The following ARID5B variants were observed in gnomAD, a reference collection of about 807,000 sequenced individuals.
ARID5B encodes the protein AT-rich interactive domain-containing protein 5B.
ARID5B carries 13 observed loss-of-function variants against 97.2 expected under a neutral mutation model. The observed-to-expected ratio is 0.13, with a 90% CI of 0.09 to 0.21. The LOEUF is 0.21. Ranked by LOEUF, ARID5B falls within the 10% of genes least tolerant of loss-of-function variation. ARID5B has a pLI of 1.00. For synonymous variants in ARID5B, 556 were observed against 570.3 expected (o/e 0.97, Z 0.36); for missense variants, 1,210 against 1,465.3 (o/e 0.83, Z 2.84).
At chr10:61,992,194 CT>C (rs1370944099) in intron 3 of ARID5B, among the ~76,000 whole-genome samples, 1 of 152,172 alleles carries the variant, frequency 6.6e-6, no homozygotes, top group Non-Finnish European at 1.5e-5. Flanking sequence ...TGCATAATCC[CT>C]GTCTAGTGTG....
At chr10:62,050,190 C>G (rs974270807) in intron 4 of ARID5B, among the ~76,000 whole-genome samples, 1 of 152,082 alleles carries the variant, frequency 6.6e-6, no homozygotes, top group African/African-American at 2.4e-5. Flanking sequence ...CCAGTGTAAT[C>G]TTTGGATGTT....
chr10:62,024,674 A>G, intron 4 of ARID5B: 1 of 396,370 alleles, frequency 2.5e-6, no homozygotes, highest in Non-Finnish European at 4.5e-6. Flanking sequence ...TTCTTTCGGG[A>G]GGCAGATTAA....
At chr10:61,934,017 A>G (rs1390116490) in intron 2 of ARID5B, among the ~76,000 whole-genome samples, 2 of 152,192 alleles carry the variant, frequency 1.3e-5, no homozygotes, top group Non-Finnish European at 2.9e-5. Flanking sequence ...GCTACCTTCA[A>G]TTATCTTAGC....
At chr10:61,924,517 A>G (rs1219195077) in intron 2 of ARID5B, among the ~76,000 whole-genome samples, 2 of 152,224 alleles carry the variant, frequency 1.3e-5, no homozygotes, top group Non-Finnish European at 2.9e-5. Flanking sequence ...AAATAAAGCT[A>G]TGGGTCTCAA....
chr10:61,906,212 T>C (rs1466223662), intron 2 of ARID5B, among the ~76,000 whole-genome samples: 1 of 152,166 alleles, frequency 6.6e-6, no homozygotes, highest in African/African-American at 2.4e-5. Context: ...TTCTTAATTT[T>C]ATAAACAATA....
intron 7 of ARID5B, among the ~76,000 whole-genome samples, chr10:62,065,011 T>A (rs1839967582): frequency 6.6e-6 from 1 of 152,152 alleles, no homozygotes; most frequent in African/African-American, 2.4e-5. Flanking sequence ...TGACCTCAGA[T>A]GATCCACCCG....
At chr10:61,962,103 T>C (rs770731208) in intron 3 of ARID5B, among the ~76,000 whole-genome samples, 9 of 152,202 alleles carry the variant, frequency 5.9e-5, no homozygotes, top group Non-Finnish European at 1.0e-4. Flanking sequence ...CGGTAATTGT[T>C]ATTACTACCA....
intron 4 of ARID5B, among the ~76,000 whole-genome samples, chr10:62,029,726 G>T (rs1252778804): frequency 2.0e-5 from 3 of 152,168 alleles, no homozygotes; most frequent in Non-Finnish European, 4.4e-5. Flanking sequence ...AAAAGAGGGA[G>T]ATCACCTCGT....
intron 2 of ARID5B, among the ~76,000 whole-genome samples, chr10:61,939,748 A>AG (rs1042839571): frequency 2.6e-5 from 4 of 152,188 alleles, no homozygotes; most frequent in Non-Finnish European, 4.4e-5. Flanking sequence ...GGGGTGAGTC[A>AG]GAGTTCCAAG....
chr10:61,942,139 T>C (rs1264543704), intron 3 of ARID5B, among the ~76,000 whole-genome samples: 2 of 152,220 alleles, frequency 1.3e-5, no homozygotes, highest in Non-Finnish European at 2.9e-5. Context: ...AGAGTATTTA[T>C]AGCAAGGTTT....
At chr10:62,059,820 C>G (rs1276195732) in intron 7 of ARID5B, among the ~76,000 whole-genome samples, 1 of 152,156 alleles carries the variant, frequency 6.6e-6, no homozygotes, top group African/African-American at 2.4e-5. Flanking sequence ...GGCTCTGACA[C>G]TCTTTATCAG....
intron 3 of ARID5B, among the ~76,000 whole-genome samples, chr10:61,969,016 C>A (rs1401562583): frequency 2.6e-5 from 4 of 152,168 alleles, no homozygotes; most frequent in Admixed American, 2.6e-4. Flanking sequence ...CATGAAAAGA[C>A]TGTATTTTGA....
At chr10:62,026,271 T>C (rs1234077494) in intron 4 of ARID5B, among the ~76,000 whole-genome samples, 1 of 152,224 alleles carries the variant, frequency 6.6e-6, no homozygotes, top group Non-Finnish European at 1.5e-5. Flanking sequence ...GTTATTTTGA[T>C]CCCCCAGTTT....
chr10:61,917,641 T>G (rs930736211), intron 2 of ARID5B, among the ~76,000 whole-genome samples: 2 of 152,218 alleles, frequency 1.3e-5, no homozygotes, highest in Admixed American at 1.3e-4. Context: ...GCTGCCACCT[T>G]GCCATCTCTA....
intron 2 of ARID5B, among the ~76,000 whole-genome samples, chr10:61,939,491 T>A (rs1477294428): frequency 2.6e-5 from 4 of 152,136 alleles, no homozygotes; most frequent in Non-Finnish European, 4.4e-5. Flanking sequence ...TTCAAAGACT[T>A]TTTCCTCACT....
At chr10:61,992,849 G>A (rs1387875414) in intron 3 of ARID5B, among the ~76,000 whole-genome samples, 1 of 151,970 alleles carries the variant, frequency 6.6e-6, no homozygotes, top group Non-Finnish European at 1.5e-5. Flanking sequence ...TTACTGTGTC[G>A]AGAATTACAA....
In ARID5B at chr10:62,091,885, G is replaced by A; in HGVS notation, c.2422G>A (p.Glu808Lys). ...CTACGTCCTGAAGCAAGAAATTCAG[G>A]AGGGCAAGGATAAACTCTTAGAGAA... The part of the protein sequence containing the change: ...DSYVLKQEIQ[E>K]GKDKLLEKRA... Residue 808 changes from glutamate (E) to lysine (K), a missense_variant, in exon 10 of 10, where the codon GAG (glutamate) becomes AAG (lysine). Transcript: ENST00000279873. 2 of 1,614,034 alleles carry A rather than the reference G, an allele frequency of 1.2e-6. No individual in the cohort carries two copies. The highest frequency in any genetic ancestry group is 1.7e-6 in the Non-Finnish European group (2 of 1,180,018).
At position 62,093,211 on chromosome 10, in the gene ARID5B, C is replaced by G; in HGVS notation, c.*181C>G. 1 of 834,268 alleles carries G rather than the reference C, an allele frequency of 1.2e-6. No homozygotes were observed. Among genetic ancestry groups the G allele is most frequent in the South Asian group, 2.1e-5 (1 of 48,742 alleles). 51.7% of individuals were successfully genotyped at this position (834,268 alleles called of 1,614,324 possible). On this transcript the variant is annotated 3_prime_UTR_variant, in exon 10 of 10. Coordinates refer to ENST00000279873, the MANE Select transcript of ARID5B (RefSeq NM_032199.3). ...CTGATTTTTGTGGGACAACTCTAGC[C>G]CACAAACTGACTGGCTGGTGAGTCT...
intron 7 of ARID5B, among the ~76,000 whole-genome samples, chr10:62,064,575 A>G (rs1479940573): frequency 6.6e-6 from 1 of 152,194 alleles, no homozygotes; most frequent in Non-Finnish European, 1.5e-5. Flanking sequence ...CTTGAGCTAA[A>G]ATAGTGATTT....
Sources: allele counts gnomAD v4.1 joint callset (sites outside exome capture counted in the v4.1 genomes callset), GRCh38; gene constraint gnomAD v4.1.1; transcripts MANE v1.5; gene names NCBI Gene and HGNC (gene_info 2026-07-23, HGNC 2026-07-21).